The following DENND1B variants were observed in gnomAD, a reference collection of about 807,000 sequenced individuals.
DENND1B encodes DENN domain-containing protein 1B.
DENND1B carries 59 observed loss-of-function variants against 90.1 expected under a neutral mutation model. The observed-to-expected ratio is 0.65, with a 90% CI of 0.53 to 0.81. The LOEUF (loss-of-function observed/expected upper bound fraction) is 0.81. Ranked by LOEUF, DENND1B falls within the 40% of genes least tolerant of loss-of-function variation. The pLI is 0.00. For missense variants in DENND1B, 862 were observed against 912.6 expected, an observed-to-expected ratio of 0.94 and a Z score of 0.71; for synonymous variants, 337 against 324.6, an observed-to-expected ratio of 1.04 and a Z score of -0.41.
intron 10 of DENND1B, among the ~76,000 whole-genome samples, chr1:197,639,156 C>G (rs1025133852): frequency 6.6e-6 from 1 of 151,714 alleles, no homozygotes; most frequent in African/African-American, 2.4e-5. Flanking sequence ...CTCCGTCTCC[C>G]GGGTTCAAGT....
intron 2 of DENND1B, among the ~76,000 whole-genome samples, chr1:197,749,886 C>T (rs145737931): frequency 2.0e-5 from 3 of 152,086 alleles, no homozygotes; most frequent in African/African-American, 7.2e-5. Flanking sequence ...CTTGCTCTGT[C>T]GCCCAGGCTG....
Position 197,642,699 on chromosome 1 carries a change from T to C in DENND1B, c.672+12A>G. 1 of 1,594,132 alleles carries C rather than the reference T, an allele frequency of 6.3e-7. No homozygotes were observed. On this transcript the variant is annotated intron_variant, in intron 10 of 22. Transcript: ENST00000620048. ...CAATACCTGCTACTTAAAAGAAGTG[T>C]GAAGTACTTACAGTGCTTAATTTGC...
At chr1:197,772,336 T>C (rs1210161516) in intron 2 of DENND1B, among the ~76,000 whole-genome samples, 1 of 152,156 alleles carries the variant, frequency 6.6e-6, no homozygotes, top group Non-Finnish European at 1.5e-5. Context: ...ACACCTGAAA[T>C]TCAAGCTGCA....
At chr1:197,564,395 C>CA (rs71131780) in intron 15 of DENND1B, among the ~76,000 whole-genome samples, 2,356 of 63,162 alleles carry the variant, frequency 0.037, 252 homozygotes, top group African/African-American at 0.11. Flanking sequence ...CCTCCACCAG[C>CA]AAAAAAAAAA....
At chr1:197,538,073 T>G (rs1176217411) in intron 20 of DENND1B, among the ~76,000 whole-genome samples, 1 of 152,122 alleles carries the variant, frequency 6.6e-6, no homozygotes, top group African/African-American at 2.4e-5. Context: ...TAATAGTAGT[T>G]GTCGTAATTT....
intron 12 of DENND1B, 73 bp downstream of exon 12, chr1:197,611,858 T>C: frequency 7.2e-7 from 1 of 1,391,534 alleles, no homozygotes; most frequent in Non-Finnish European, 1.0e-6. Context: ...TGATATTTCT[T>C]CAAAACAAAA....
intron 3 of DENND1B, among the ~76,000 whole-genome samples, chr1:197,694,500 G>GT (rs1658234035): frequency 6.6e-6 from 1 of 151,288 alleles, no homozygotes; most frequent in Admixed American, 6.6e-5. Flanking sequence ...TTATATTTAT[G>GT]TTTTTTCTCC....
chr1:197,524,091 AAAGG>A (rs964867233), intron 20 of DENND1B, among the ~76,000 whole-genome samples: 1 of 152,124 alleles, frequency 6.6e-6, no homozygotes, highest in Admixed American at 6.5e-5. Flanking sequence ...AATGAAACAC[AAAGG>A]AAGAAGAGAG....
At chr1:197,633,860 C>A (rs745330945) in intron 10 of DENND1B, among the ~76,000 whole-genome samples, 1 of 152,124 alleles carries the variant, frequency 6.6e-6, no homozygotes, top group African/African-American at 2.4e-5. Flanking sequence ...CCCAGTAACA[C>A]GATCCTAGTT....
At chr1:197,764,764 C>T (rs1372684401) in intron 2 of DENND1B, among the ~76,000 whole-genome samples, 1 of 152,086 alleles carries the variant, frequency 6.6e-6, no homozygotes, top group South Asian at 2.1e-4. Context: ...AAATGTTTCC[C>T]TGAAGGCTAT....
chr1:197,769,066 CTTACCTA>C (rs1656080031), intron 2 of DENND1B, among the ~76,000 whole-genome samples: 1 of 152,120 alleles, frequency 6.6e-6, no homozygotes, highest in Non-Finnish European at 1.5e-5. Flanking sequence ...AACATTTAGA[CTTACCTA>C]TGAAAAATGA....
intron 2 of DENND1B, among the ~76,000 whole-genome samples, chr1:197,758,960 ATTTTTTT>A (rs759108636): frequency 6.1e-5 from 6 of 97,836 alleles, no homozygotes; most frequent in African/African-American, 1.8e-4. Context: ...TACTTCATTA[ATTTTTTT>A]TTTTTTTTTT....
At chr1:197,715,237 ATAAT>A (rs1660535846) in intron 2 of DENND1B, among the ~76,000 whole-genome samples, 163 bp from the exon 3 acceptor site, 1 of 152,000 alleles carries the variant, frequency 6.6e-6, no homozygotes, top group African/African-American at 2.4e-5. Context: ...CTTCCTTTCT[ATAAT>A]TAAATATTTT....
chr1:197,586,930 T>C (rs1002901988), intron 14 of DENND1B, among the ~76,000 whole-genome samples: 5 of 152,088 alleles, frequency 3.3e-5, no homozygotes, highest in Non-Finnish European at 2.9e-5. Context: ...GGTGCAAAGA[T>C]GAGGGTTGAA....
chr1:197,707,817 C>T (rs1485923466), intron 3 of DENND1B, among the ~76,000 whole-genome samples: 5 of 147,364 alleles, frequency 3.4e-5, no homozygotes, highest in African/African-American at 9.8e-5. Flanking sequence ...TCTGAGGTAC[C>T]GGGTTCATCT....
At chr1:197,538,243 T>C (rs1670060975) in intron 20 of DENND1B, among the ~76,000 whole-genome samples, 1 of 152,112 alleles carries the variant, frequency 6.6e-6, no homozygotes, top group South Asian at 2.1e-4. Flanking sequence ...CATAAACATT[T>C]TACAACAGTA....
chr1:197,636,645 T>C (rs573003404), intron 10 of DENND1B, among the ~76,000 whole-genome samples: 8 of 152,270 alleles, frequency 5.3e-5, no homozygotes, highest in African/African-American at 1.9e-4. Flanking sequence ...GTAGGGTAAG[T>C]AGCGCAAAGC....
At chr1:197,674,235 T>C (rs1205572072) in intron 3 of DENND1B, 66 bp from the exon 4 acceptor site, 1 of 1,187,614 alleles carries the variant, frequency 8.4e-7, no homozygotes, top group Non-Finnish European at 1.2e-6. Flanking sequence ...CAGTTAAAAC[T>C]TCTTTGAGAC....
intron 2 of DENND1B, among the ~76,000 whole-genome samples, chr1:197,725,907 T>A (rs1410938270): frequency 6.6e-6 from 1 of 152,062 alleles, no homozygotes; most frequent in Non-Finnish European, 1.5e-5. Context: ...TGAACCCAGT[T>A]ATGATGCTAC....
Sources: gnomAD v4.1 joint callset for allele counts (sites outside exome capture counted in the v4.1 genomes callset) on GRCh38, gnomAD v4.1.1 for gene constraint, MANE v1.5 for transcripts, NCBI Gene and HGNC (gene_info 2026-07-23, HGNC 2026-07-21) for gene names.